The following CSMD3 variants were observed in gnomAD, a reference collection of about 807,000 sequenced individuals.
The protein encoded by CSMD3 is CUB and Sushi multiple domains 3, also known as CUB and sushi domain-containing protein 3.
In CSMD3, 177 loss-of-function variants were observed where a neutral mutation model predicts 435.2. That is an observed-to-expected ratio of 0.41 (90% CI 0.36 to 0.46). The LOEUF is 0.46. CSMD3 is among the 20% of genes least tolerant of loss of function. The probability of loss-of-function intolerance (pLI) is 0.34; values close to 1 mark genes in which losing one functional copy is unlikely to be tolerated. For missense variants in CSMD3, 4,265 were observed against 4,504.6 expected (o/e 0.95, Z 1.52); for synonymous variants, 1,656 against 1,520.5 (o/e 1.09, Z -2.07).
intron 32 of CSMD3, among the ~76,000 whole-genome samples, chr8:112,422,624 T>C (rs1466238066): frequency 1.3e-5 from 2 of 152,174 alleles, no homozygotes; most frequent in African/African-American, 4.8e-5. Context: ...CCCACTCCTT[T>C]GGATTGTTGT....
At chr8:112,240,568 C>T (rs1443557757) in intron 66 of CSMD3, among the ~76,000 whole-genome samples, 1 of 152,048 alleles carries the variant, frequency 6.6e-6, no homozygotes, top group Non-Finnish European at 1.5e-5. Context: ...AAAATTAGAT[C>T]CTAATGTAGT....
At chr8:112,815,388 T>C (rs1329845247) in intron 12 of CSMD3, among the ~76,000 whole-genome samples, 2 of 152,190 alleles carry the variant, frequency 1.3e-5, no homozygotes, top group African/African-American at 2.4e-5. Flanking sequence ...GATTTCTATA[T>C]TGAGTTTTAT....
At chr8:113,397,786 C>G (rs2094490562) in intron 1 of CSMD3, among the ~76,000 whole-genome samples, 2 of 151,560 alleles carry the variant, frequency 1.3e-5, no homozygotes, top group South Asian at 4.2e-4. Context: ...CTACTGCACT[C>G]CAGCCTGGAC....
chr8:112,345,037 A>C (rs1291966522), intron 41 of CSMD3, among the ~76,000 whole-genome samples: 1 of 152,146 alleles, frequency 6.6e-6, no homozygotes, highest in Non-Finnish European at 1.5e-5. Context: ...AATTCAGGGT[A>C]TATCCATACA....
Position 113,194,135 on chromosome 8 carries a change from T to C in CSMD3, c.515-20219A>G, listed in dbSNP as rs570960173. 8.7e-4 allele frequency among the ~76,000 whole-genome samples: 132 copies of C among 151,516 alleles called. 1 individual carries two copies. The highest frequency in any genetic ancestry group is 1.4e-3 in the Non-Finnish European group (95 of 67,544). ...ACATTATTTTAAACATGTTCACATC[T>C]GCAGGTGTTTAACGTGATAAAACAG... On this transcript the variant is annotated intron_variant, in intron 3 of 70. Coordinates refer to ENST00000297405, the MANE Select transcript of CSMD3 (RefSeq NM_198123.2).
At chr8:113,200,599 T>G (rs1285228585) in intron 3 of CSMD3, among the ~76,000 whole-genome samples, 2 of 151,460 alleles carry the variant, frequency 1.3e-5, no homozygotes, top group Non-Finnish European at 3.0e-5. Context: ...ATTTATTTAT[T>G]ATTTTTATTA....
At chr8:113,055,642 G>T (rs1485010837) in intron 5 of CSMD3, among the ~76,000 whole-genome samples, 1 of 152,064 alleles carries the variant, frequency 6.6e-6, no homozygotes. Flanking sequence ...CTACATTCTG[G>T]TTTACTGCAA....
intron 13 of CSMD3, among the ~76,000 whole-genome samples, chr8:112,730,674 T>G (rs2077055338): frequency 6.6e-6 from 1 of 152,124 alleles, no homozygotes; most frequent in Non-Finnish European, 1.5e-5. Flanking sequence ...CAAAGCTGAC[T>G]GCACCACCAA....
chr8:112,311,791 T>C (rs889501716), intron 49 of CSMD3, among the ~76,000 whole-genome samples: 2 of 152,224 alleles, frequency 1.3e-5, no homozygotes, highest in African/African-American at 4.8e-5. Flanking sequence ...AGCTTTTTCA[T>C]ATGTACTTTT....
intron 12 of CSMD3, among the ~76,000 whole-genome samples, chr8:112,807,619 A>T (rs1563980639): frequency 6.6e-6 from 1 of 152,124 alleles, no homozygotes. Flanking sequence ...GGGAAGTAAA[A>T]TATCTCATGG....
At chr8:113,395,384 G>T (rs775008674) in intron 1 of CSMD3, among the ~76,000 whole-genome samples, 1 of 152,006 alleles carries the variant, frequency 6.6e-6, no homozygotes, top group Non-Finnish European at 1.5e-5. Flanking sequence ...GAGGCGGGCG[G>T]ATCATGAGGT....
At chr8:113,112,539 G>A (rs1309352539) in intron 4 of CSMD3, among the ~76,000 whole-genome samples, 1 of 149,230 alleles carries the variant, frequency 6.7e-6, no homozygotes, top group Non-Finnish European at 1.5e-5. Context: ...TCTTTATTTT[G>A]TGTTGCAACT....
chr8:113,195,520 A>G (rs969116147), intron 3 of CSMD3, among the ~76,000 whole-genome samples: 7 of 150,552 alleles, frequency 4.6e-5, no homozygotes, highest in African/African-American at 9.7e-5. Context: ...AATATTTAAT[A>G]TAAGTATATC....
chr8:112,393,759 C>T (rs1232238361), intron 35 of CSMD3, among the ~76,000 whole-genome samples: 1 of 152,170 alleles, frequency 6.6e-6, no homozygotes, highest in African/African-American at 2.4e-5. Context: ...CCTTAACTTG[C>T]ATTTTACTCA....
At chr8:112,832,568 T>C (rs544617728) in intron 11 of CSMD3, among the ~76,000 whole-genome samples, 12 of 152,238 alleles carry the variant, frequency 7.9e-5, no homozygotes, top group African/African-American at 2.9e-4. Context: ...GAAAGGCACA[T>C]TTAGCATGGA....
At chr8:112,930,010 T>C (rs2083055160) in intron 9 of CSMD3, among the ~76,000 whole-genome samples, 1 of 152,150 alleles carries the variant, frequency 6.6e-6, no homozygotes, top group Non-Finnish European at 1.5e-5. Context: ...AAGTAGAACT[T>C]GGTTATACAA....
At chr8:113,085,472 G>A (rs1026055048) in intron 5 of CSMD3, among the ~76,000 whole-genome samples, 1 of 152,144 alleles carries the variant, frequency 6.6e-6, no homozygotes, top group African/African-American at 2.4e-5. Flanking sequence ...ACAGATATCT[G>A]CATCTTCATG....
chr8:113,274,906 A>AAG (rs201940257), intron 3 of CSMD3, among the ~76,000 whole-genome samples: 4 of 151,046 alleles, frequency 2.6e-5, no homozygotes, highest in South Asian at 2.1e-4. Context: ...CAGAGAAATA[A>AAG]AGAGAGAGAG....
At chr8:112,874,747 C>T (rs1483602563) in intron 10 of CSMD3, among the ~76,000 whole-genome samples, 1 of 151,460 alleles carries the variant, frequency 6.6e-6, no homozygotes, top group African/African-American at 2.4e-5. Context: ...TTTATTTATT[C>T]ATTTTTGCTT....
Sources: allele counts gnomAD v4.1 joint callset (sites outside exome capture counted in the v4.1 genomes callset), GRCh38; gene constraint gnomAD v4.1.1; transcripts MANE v1.5; gene names NCBI Gene and HGNC (gene_info 2026-07-23, HGNC 2026-07-21).